Variants in LOC128125822 observed in about 807,000 individuals in gnomAD.
the LOC128125822 span, chr6:63,578,823 A>G: frequency 3.0e-6 from 4 of 1,329,744 alleles, no homozygotes; most frequent in African/African-American, 1.5e-5. Flanking sequence ...AAACATTTCC[A>G]TGTTAGAAAT....
chr6:63,574,926 T>G, the LOC128125822 span, among the ~76,000 whole-genome samples: 2 of 152,224 alleles, frequency 1.3e-5, no homozygotes, highest in South Asian at 2.1e-4. Context: ...ACCAACTAGG[T>G]GAAGTAACCT....
chr6:63,575,442 A>G, the LOC128125822 span, among the ~76,000 whole-genome samples: 10 of 152,308 alleles, frequency 6.6e-5, no homozygotes, highest in African/African-American at 2.4e-4. Flanking sequence ...TGCTGTGACT[A>G]TTGGTTTAAT....
At chr6:63,579,104 TAATTTTTTA>T in the LOC128125822 span, 1 of 1,406,354 alleles carries the variant, frequency 7.1e-7, no homozygotes, top group Non-Finnish European at 9.4e-7. Context: ...AAAATTCTTA[TAATTTTTTA>T]ATATAAAGTC....
the LOC128125822 span, among the ~76,000 whole-genome samples, chr6:63,573,050 G>T: frequency 6.6e-6 from 1 of 152,088 alleles, no homozygotes; most frequent in African/African-American, 2.4e-5. Flanking sequence ...CTTCCGCAGC[G>T]GGCCGGGTGG....
At chr6:63,582,049 A>C in the LOC128125822 span, 1 of 152,192 alleles carries the variant, frequency 6.6e-6, no homozygotes, top group Non-Finnish European at 1.5e-5. Context: ...TCTTCATACC[A>C]GTTTAACACT....
the LOC128125822 span, among the ~76,000 whole-genome samples, chr6:63,573,052 G>A: frequency 6.6e-6 from 1 of 152,090 alleles, no homozygotes; most frequent in African/African-American, 2.4e-5. Context: ...TCCGCAGCGG[G>A]CCGGGTGGGT....
the LOC128125822 span, among the ~76,000 whole-genome samples, chr6:63,575,528 T>C: frequency 6.6e-6 from 1 of 152,172 alleles, no homozygotes; most frequent in Admixed American, 6.5e-5. Context: ...CATATTTGTT[T>C]ATATTTATTG....
At chr6:63,576,527 A>G in the LOC128125822 span, 3 of 422,712 alleles carry the variant, frequency 7.1e-6, no homozygotes, top group African/African-American at 6.1e-5. Context: ...TATGCAGACA[A>G]GTGAACTGTA....
the LOC128125822 span, chr6:63,572,631 C>T: frequency 1.7e-3 from 696 of 420,874 alleles, 1 homozygote; most frequent in Non-Finnish European, 1.9e-3. Context: ...CGCCTCCTGC[C>T]CTGCAGCCAC....
the LOC128125822 span, among the ~76,000 whole-genome samples, chr6:63,575,664 G>A: frequency 1.3e-5 from 2 of 152,080 alleles, no homozygotes; most frequent in African/African-American, 4.8e-5. Flanking sequence ...AAATACAAAA[G>A]AACATTATTA....
At chr6:63,580,263 C>A in the LOC128125822 span, 1 of 1,074,206 alleles carries the variant, frequency 9.3e-7, no homozygotes, top group Non-Finnish European at 1.4e-6. Flanking sequence ...CTTAGTAAGT[C>A]TAATGAAGCT....
chr6:63,581,822 T>C, the LOC128125822 span: 1 of 152,184 alleles, frequency 6.6e-6, no homozygotes, highest in South Asian at 2.1e-4. Flanking sequence ...TACATACCTT[T>C]ATAGATTTTG....
the LOC128125822 span, chr6:63,576,443 G>A: frequency 2.5e-6 from 1 of 399,522 alleles, no homozygotes; most frequent in South Asian, 1.3e-4. Flanking sequence ...CAGCAATTCT[G>A]TGGTGTTCTT....
chr6:63,582,584 ACTAT>A, the LOC128125822 span: 1 of 152,508 alleles, frequency 6.6e-6, no homozygotes, highest in South Asian at 2.1e-4. Context: ...AATGCAGGAA[ACTAT>A]CTGATAGTGT....
chr6:63,575,460 A>G, the LOC128125822 span, among the ~76,000 whole-genome samples: 8 of 152,332 alleles, frequency 5.3e-5, no homozygotes, highest in African/African-American at 1.9e-4. Flanking sequence ...AATGTTTGAT[A>G]TTGGCATAAA....
chr6:63,580,265 A>T, the LOC128125822 span: 2 of 1,075,898 alleles, frequency 1.9e-6, no homozygotes, highest in South Asian at 1.3e-5. Flanking sequence ...TAGTAAGTCT[A>T]ATGAAGCTTC....
At chr6:63,576,791 G>C in the LOC128125822 span, 24 of 1,014,950 alleles carry the variant, frequency 2.4e-5, no homozygotes, top group Non-Finnish European at 3.0e-5. Flanking sequence ...GGAGTATATT[G>C]AAGTAGACTT....
At chr6:63,577,392 C>T in the LOC128125822 span, among the ~76,000 whole-genome samples, 2 of 152,154 alleles carry the variant, frequency 1.3e-5, no homozygotes, top group Non-Finnish European at 2.9e-5. Context: ...AAATTCTGTT[C>T]CTTCCTAATG....
the LOC128125822 span, chr6:63,581,008 T>C: frequency 1.3e-5 from 2 of 152,256 alleles, no homozygotes; most frequent in East Asian, 3.8e-4. Context: ...ATATGCTCTT[T>C]AATTTAGTAA....
Sources: gnomAD v4.1 joint callset for allele counts (sites outside exome capture counted in the v4.1 genomes callset) on GRCh38, gnomAD v4.1.1 for gene constraint, MANE v1.5 for transcripts.